Variants in MCF2L observed in about 807,000 individuals in gnomAD.
The protein encoded by MCF2L is guanine nucleotide exchange factor DBS.
Under a neutral mutation model 153.4 loss-of-function variants are expected in MCF2L, and 97 were observed. The observed-to-expected ratio is 0.63, with a 90% CI of 0.54 to 0.75. The LOEUF is 0.75. MCF2L is among the 30% of genes least tolerant of loss of function. The pLI, the probability that MCF2L is intolerant of heterozygous loss-of-function variation, is 0.00. For synonymous variants in MCF2L, 659 were observed against 632.2 expected (o/e 1.04, Z -0.64); for missense variants, 1,347 against 1,495.2 (o/e 0.90, Z 1.64).
intron 1 of MCF2L, among the ~76,000 whole-genome samples, chr13:112,976,040 T>C (rs1431319275): frequency 1.3e-5 from 2 of 152,186 alleles, no homozygotes; most frequent in Non-Finnish European, 2.9e-5. Context: ...CAAGAAAACT[T>C]ACAGTTGCGA....
At chr13:113,092,827 G>T (rs1224459095) in intron 26 of MCF2L, among the ~76,000 whole-genome samples, 2 of 152,222 alleles carry the variant, frequency 1.3e-5, no homozygotes, top group Non-Finnish European at 2.9e-5. Context: ...TTGATGGCCC[G>T]CAGAGAGGCT....
intron 1 of MCF2L, among the ~76,000 whole-genome samples, chr13:112,991,271 G>A (rs957204286): frequency 4.2e-5 from 6 of 144,008 alleles, no homozygotes; most frequent in Non-Finnish European, 7.6e-5. Context: ...GGCATCTCCC[G>A]GGACCTGATT....
chr13:112,980,628 G>GCCGCCTTCCCCTTTTTCCC (rs71101543), intron 1 of MCF2L, among the ~76,000 whole-genome samples: 1 of 100,440 alleles, frequency 1.0e-5, no homozygotes, highest in Non-Finnish European at 2.2e-5. Flanking sequence ...CTCTCAGGCT[G>GCCGCCTTCCCCTTTTTCCC]CCGCCTTCCC....
At chr13:113,076,955 G>T in intron 12 of MCF2L, 97 bp from the exon 13 acceptor site, 1 of 1,317,896 alleles carries the variant, frequency 7.6e-7, no homozygotes, top group South Asian at 1.4e-5. Context: ...ATTTAAAGCG[G>T]GGGTTGGGCG....
chr13:113,020,867 TATGTGTGTATGTGTAG>T (rs376981912), intron 2 of MCF2L, among the ~76,000 whole-genome samples: 4,240 of 146,630 alleles, frequency 0.029, 162 homozygotes, highest in East Asian at 0.1. Context: ...GTAGTGTGTA[TATGTGTGTATGTGTAG>T]ATGTGTGTAT....
chr13:112,937,074 G>A lies in MCF2L; in HGVS notation c.169+34703G>A, dbSNP rs189586345. ...ATTTTATTTTTTTATTTATTTTTGA[G>A]ATAGAGTCTCGCTTTGTCCCCCAGG... On this transcript the variant is annotated intron_variant, in intron 2 of 29. Coordinates refer to the MCF2L transcript ENST00000375608. Among the ~76,000 whole-genome samples, 346 of 152,164 alleles carry A rather than the reference G, an allele frequency of 2.3e-3. 2 individuals carry two copies. The highest frequency in any genetic ancestry group is 8.0e-3 in the African/African-American group (334 of 41,508).
At position 113,047,691 on chromosome 13, in the gene MCF2L, G is replaced by A. The variant is rs147357323; in HGVS notation, c.369+2330G>A. Among the ~76,000 whole-genome samples the A allele has an allele frequency of 4.5e-3, 685 of 152,366 alleles. 6 individuals carry two copies. The highest frequency in any genetic ancestry group is 0.015 in the African/African-American group (644 of 41,594). On this transcript the variant is annotated intron_variant, in intron 4 of 29. Transcript: ENST00000535094. ...ACGCACCTGGGTGCCTTTCATGCCCGTGGGGTCCAGGCACCTGCATCTTCA... is the reference window on the plus strand; with the variant it reads ...ACGCACCTGGGTGCCTTTCATGCCCATGGGGTCCAGGCACCTGCATCTTCA...
In MCF2L at chr13:113,094,803, T is replaced by C. The variant is rs1018000895; in HGVS notation, c.3075+168T>C. On this transcript the variant is annotated intron_variant, in intron 27 of 29. Coordinates refer to ENST00000535094, the MANE Select transcript of MCF2L (RefSeq NM_001112732.3). ...TCTTACGGGCAGTGCCAGCTCCTCC[T>C]AACTCTCTCTGGAAGGTCCACCCAG... The C allele has an allele frequency of 9.5e-6, 10 of 1,049,924 alleles. No individual in the cohort carries two copies. The Admixed American group carries it at 1.3e-4, about 14-fold the overall frequency. The allele number at this position is 1,049,924 out of a possible 1,614,324, so 65.0% of individuals were successfully genotyped here. A position where few individuals can be genotyped will look rare whatever the true frequency, so the allele number is the denominator to read the frequency against.
intron 1 of MCF2L, among the ~76,000 whole-genome samples, chr13:112,973,810 G>A (rs1312008039): frequency 1.3e-5 from 2 of 152,190 alleles, no homozygotes; most frequent in Non-Finnish European, 2.9e-5. Context: ...CACAGGCAAG[G>A]TCTCAGGAGT....
At chr13:112,908,815 TC>T in intron 2 of MCF2L, among the ~76,000 whole-genome samples, 1 of 151,482 alleles carries the variant, frequency 6.6e-6, no homozygotes, top group Admixed American at 6.6e-5. Context: ...ATCCTCTGCC[TC>T]CTGGGTTCAC....
rs896143645 is a variant in MCF2L, at chr13:113,087,466, G to T, written c.2595+10G>T. On this transcript the variant is annotated intron_variant, in intron 22 of 29. Coordinates refer to ENST00000535094, the MANE Select transcript of MCF2L (RefSeq NM_001112732.3). ...CAAGCAGTCCTTAAACGTAAGTGAG[G>T]CCGGGTCTGCAGCAGCACGCTCCTG... 4 of 1,588,032 alleles carry T rather than the reference G, an allele frequency of 2.5e-6. No individual in the cohort carries two copies. The highest frequency in any genetic ancestry group is 2.6e-6 in the Non-Finnish European group (3 of 1,163,274).
Position 112,924,328 on chromosome 13 carries a change from A to G in MCF2L, c.169+21957A>G, listed in dbSNP as rs566785808. ...TTCCTTTTCATTATCTCTATTTTCA[A>G]TTTCTCCGTATGCAGTTGTTACATT... On this transcript the variant is annotated intron_variant, in intron 2 of 29. Transcript: ENST00000375608. Among the ~76,000 whole-genome samples the G allele has an allele frequency of 3.9e-5, 6 of 152,118 alleles. No individual in the cohort carries two copies. The East Asian group carries it at 9.6e-4, about 24-fold the overall frequency.
upstream of MCF2L, among the ~76,000 whole-genome samples, chr13:112,968,151 G>GC (rs1026426040): frequency 1.3e-4 from 19 of 143,760 alleles, 1 homozygote; most frequent in East Asian, 4.1e-4. Context: ...GTGGGGGGGG[G>GC]GGTCTTGCTA....
chr13:113,014,681 G>A, intron 1 of MCF2L, 82 bp from the exon 2 acceptor site: 2 of 1,199,044 alleles, frequency 1.7e-6, no homozygotes, highest in Non-Finnish European at 2.5e-6. Context: ...GGATGTGCCA[G>A]CTCCGTGTGG....
intron 7 of MCF2L, 33 bp downstream of exon 7, chr13:113,065,118 G>A: frequency 1.2e-6 from 2 of 1,606,490 alleles, no homozygotes; most frequent in Non-Finnish European, 1.7e-6. Context: ...GGAAGCTGTG[G>A]GGGGCTCCGG....
In MCF2L at chr13:112,969,354, C is replaced by T; in HGVS notation, c.-26C>T. The T allele has an allele frequency of 6.5e-7, 1 of 1,549,734 alleles. No individual in the cohort carries two copies. The highest frequency in any genetic ancestry group is 8.7e-7 in the Non-Finnish European group (1 of 1,146,466). On this transcript the variant is annotated 5_prime_UTR_variant, in exon 1 of 30. Coordinates refer to ENST00000535094, the MANE Select transcript of MCF2L (RefSeq NM_001112732.3). This position sits in a 1 kb window ranked among gnomAD's most constrained non-coding sequence, Gnocchi z 4.8. Reference sequence around the variant, plus strand: ...CCCCGTGCGGAGGAAGCGGATCTGCCAGGATCATTTTTGTTGTGTCGGAGG... The same window carrying T: ...CCCCGTGCGGAGGAAGCGGATCTGCTAGGATCATTTTTGTTGTGTCGGAGG...
At chr13:112,998,049 G>A (rs1408355447) in intron 1 of MCF2L, among the ~76,000 whole-genome samples, 1 of 152,180 alleles carries the variant, frequency 6.6e-6, no homozygotes, top group African/African-American at 2.4e-5. Flanking sequence ...CTTCACTGAG[G>A]GCCCCGGGGT....
At chr13:112,899,815 C>T (rs943928123) in intron 1 of MCF2L, among the ~76,000 whole-genome samples, 6 of 152,200 alleles carry the variant, frequency 3.9e-5, no homozygotes, top group African/African-American at 1.2e-4. Flanking sequence ...TGACGGGCCG[C>T]GCGTGCCATC....
At chr13:112,962,776 T>C (rs1281085982) in intron 2 of MCF2L, among the ~76,000 whole-genome samples, 1 of 152,172 alleles carries the variant, frequency 6.6e-6, no homozygotes, top group Non-Finnish European at 1.5e-5. Context: ...GCCCCCCGTG[T>C]GCACCGGCTC....
Sources: allele counts gnomAD v4.1 joint callset (sites outside exome capture counted in the v4.1 genomes callset), GRCh38; gene constraint gnomAD v4.1.1; non-coding constraint Gnocchi (gnomAD v3.1); transcripts MANE v1.5; gene names NCBI Gene and HGNC (gene_info 2026-07-23, HGNC 2026-07-21).